Variants in ZNF708 observed in about 807,000 individuals in gnomAD.
ZNF708 encodes the protein zinc finger protein 708.
Under a neutral mutation model 47.0 loss-of-function variants are expected in ZNF708, and 44 were observed. The observed-to-expected ratio is 0.94, with a 90% confidence interval of 0.74 to 1.20. The LOEUF (loss-of-function observed/expected upper bound fraction) is 1.20, where lower values mean the gene tolerates loss of function less well. Ranked by LOEUF, ZNF708 falls within the 50% of genes most tolerant of loss-of-function variation. ZNF708 has a pLI of 0.00. For missense variants in ZNF708, 557 were observed against 656.0 expected, an observed-to-expected ratio of 0.85 and a Z score of 1.65; for synonymous variants, 184 against 218.5, an observed-to-expected ratio of 0.84 and a Z score of 1.39.
intron 1 of ZNF708, among the ~76,000 whole-genome samples, chr19:21,325,135 C>G (rs900707627): frequency 3.3e-5 from 5 of 152,070 alleles, no homozygotes; most frequent in Non-Finnish European, 1.5e-5. Context: ...GTGAAAATGA[C>G]CATACTGCCA....
chr19:21,306,550 T>C (rs1459031752), intron 3 of ZNF708, among the ~76,000 whole-genome samples: 1 of 152,178 alleles, frequency 6.6e-6, no homozygotes, highest in Non-Finnish European at 1.5e-5. Context: ...CAATGGCTAC[T>C]GTAAATTTAT....
intron 2 of ZNF708, among the ~76,000 whole-genome samples, chr19:21,310,225 C>G (rs571596457): frequency 2.0e-5 from 3 of 151,662 alleles, no homozygotes; most frequent in African/African-American, 7.3e-5. Context: ...GGCGGGCAGA[C>G]CCTGAGGTCA....
intron 1 of ZNF708, among the ~76,000 whole-genome samples, chr19:21,328,791 A>AT (rs1973312513): frequency 6.6e-6 from 1 of 152,300 alleles, no homozygotes; most frequent in Admixed American, 6.5e-5. Context: ...ATTCTTTAAT[A>AT]TTTTTTGCGA....
At chr19:21,318,258 GT>G (rs1320291354) in intron 1 of ZNF708, 1 of 152,076 alleles carries the variant, frequency 6.6e-6, no homozygotes, top group East Asian at 1.9e-4. Context: ...ATTTATTATG[GT>G]GACTTGAAAA....
intron 1 of ZNF708, among the ~76,000 whole-genome samples, chr19:21,324,213 C>T (rs1039045957): frequency 6.6e-6 from 1 of 151,766 alleles, no homozygotes; most frequent in Non-Finnish European, 1.5e-5. Context: ...CACTGCACTC[C>T]AGCCTGGCTA....
chr19:21,319,714 A>T (rs1973089448), intron 1 of ZNF708, among the ~76,000 whole-genome samples: 1 of 152,212 alleles, frequency 6.6e-6, no homozygotes, highest in Non-Finnish European at 1.5e-5. Context: ...AAAAATGCTC[A>T]TCACTAATTA....
chr19:21,325,755 G>A (rs1599693907), intron 1 of ZNF708, among the ~76,000 whole-genome samples: 4 of 152,060 alleles, frequency 2.6e-5, no homozygotes, highest in African/African-American at 9.7e-5. Flanking sequence ...ACGGCAAAAA[G>A]AACAGTCAGC....
At chr19:21,313,051 TG>T (rs1418626358) in intron 1 of ZNF708, among the ~76,000 whole-genome samples, 5 of 150,306 alleles carry the variant, frequency 3.3e-5, no homozygotes, top group Non-Finnish European at 5.9e-5. Context: ...AGGAGGCAGG[TG>T]GATCACTTGA....
chr19:21,319,808 C>G (rs964237273), intron 1 of ZNF708, among the ~76,000 whole-genome samples: 3 of 152,154 alleles, frequency 2.0e-5, no homozygotes, highest in Non-Finnish European at 4.4e-5. Context: ...GCAATAGATG[C>G]TGGCAAAGTT....
chr19:21,303,543 G>A (rs1305908195), intron 3 of ZNF708, among the ~76,000 whole-genome samples: 2 of 151,610 alleles, frequency 1.3e-5, no homozygotes, highest in African/African-American at 2.4e-5. Flanking sequence ...AATGGAGTGA[G>A]ATCCTTTCTC....
chr19:21,322,513 G>A (rs1241502931), intron 1 of ZNF708, among the ~76,000 whole-genome samples: 1 of 152,092 alleles, frequency 6.6e-6, no homozygotes, highest in African/African-American at 2.4e-5. Context: ...ACGTTGCCCA[G>A]GCTGGTCTTG....
At chr19:21,318,681 A>G (rs990888136) in intron 1 of ZNF708, 1 of 152,228 alleles carries the variant, frequency 6.6e-6, no homozygotes, top group Admixed American at 6.5e-5. Context: ...TGGGGGTTCC[A>G]TATTGAAATA....
At chr19:21,296,406 G>A (rs1972527308) in intron 3 of ZNF708, among the ~76,000 whole-genome samples, 1 of 152,130 alleles carries the variant, frequency 6.6e-6, no homozygotes, top group African/African-American at 2.4e-5. Context: ...AGAGGCTGAG[G>A]CAGGAGAATC....
intron 2 of ZNF708, among the ~76,000 whole-genome samples, chr19:21,309,865 G>C (rs1972860702): frequency 6.6e-6 from 1 of 152,000 alleles, no homozygotes; most frequent in Non-Finnish European, 1.5e-5. Context: ...TTACTACTCA[G>C]TGCTACTGAA....
rs200267387 is a variant in ZNF708 at position 21,294,603 on chromosome 19, G to A, written c.363C>T (p.His121=). 14 of 1,613,924 alleles carry A rather than the reference G, an allele frequency of 8.7e-6. No individual in the cohort carries two copies. The highest frequency in any genetic ancestry group is 1.1e-5 in the Non-Finnish European group (13 of 1,179,996). The part of the protein sequence containing the change: ...GCKSVDEHKL[H]KGGHKGLNRC... ...GGTTAAGTCCCTTGTGACCTCCTTT[G>A]TGCAACTTATGCTCATCCACACTTT... The change falls in exon 4 of 4, where the codon CAC becomes CAT. Residue 121 remains histidine (H), a synonymous_variant. Transcript: ENST00000356929.
chr19:21,307,041 TA>T (rs1972786666), intron 3 of ZNF708: 1 of 101,472 alleles, frequency 9.9e-6, no homozygotes, highest in East Asian at 2.9e-4. Flanking sequence ...ATACATAAAA[TA>T]AAATAAAATA....
intron 1 of ZNF708, among the ~76,000 whole-genome samples, chr19:21,321,073 G>T (rs1415180190): frequency 6.6e-6 from 1 of 151,378 alleles, no homozygotes; most frequent in Non-Finnish European, 1.5e-5. Context: ...TCCGGGAGGC[G>T]GAGCTTGCAG....
chr19:21,294,492 A>G lies in ZNF708; in HGVS notation c.474T>C (p.His158=). ...GATTTTTTCCAGTATGTCTTATCTT[A>G]TGTCTCTTTGCATTTGAATATTTAT... ...VFHKYSNAKR[H]KIRHTGKNPF... is the part of the protein sequence containing the mutation. Residue 158 remains histidine (H), a synonymous_variant, in exon 4 of 4, where the codon CAT becomes CAC. Coordinates refer to ENST00000356929, the MANE Select transcript of ZNF708 (RefSeq NM_021269.3). The G allele has an allele frequency of 6.2e-7, 1 of 1,614,024 alleles. No homozygotes were observed. The highest frequency in any genetic ancestry group is 8.5e-7 in the Non-Finnish European group (1 of 1,179,964).
At chr19:21,325,536 C>T (rs1973238382) in intron 1 of ZNF708, among the ~76,000 whole-genome samples, 1 of 152,180 alleles carries the variant, frequency 6.6e-6, no homozygotes, top group Non-Finnish European at 1.5e-5. Context: ...AAACTGGATC[C>T]TCATCTCTCA....
Sources: allele counts gnomAD v4.1 joint callset (sites outside exome capture counted in the v4.1 genomes callset), GRCh38; gene constraint gnomAD v4.1.1; transcripts MANE v1.5; gene names NCBI Gene and HGNC (gene_info 2026-07-23, HGNC 2026-07-21).